Variants in RIMS1 observed in about 807,000 individuals in gnomAD.
RIMS1 encodes regulating synaptic membrane exocytosis protein 1.
Under a neutral mutation model 214.1 loss-of-function variants are expected in RIMS1, and 83 were observed. The ratio of observed to expected loss-of-function variants is 0.39; its 90% CI spans 0.32 to 0.47. The LOEUF (loss-of-function observed/expected upper bound fraction) is 0.47. Ranked by LOEUF, RIMS1 falls within the 20% of genes least tolerant of loss-of-function variation. RIMS1 has a pLI of 0.99. For synonymous variants in RIMS1, 793 were observed against 786.8 expected, an observed-to-expected ratio of 1.01 and a Z score of -0.13; for missense variants, 2,050 against 2,161.8, an observed-to-expected ratio of 0.95 and a Z score of 1.03.
At chr6:72,268,275 G>C (rs962576236) in intron 22 of RIMS1, among the ~76,000 whole-genome samples, 8 of 152,088 alleles carry the variant, frequency 5.3e-5, no homozygotes, top group Non-Finnish European at 1.2e-4. Flanking sequence ...CGGAGAGTAT[G>C]AGAAGGGAGG....
intron 31 of RIMS1, among the ~76,000 whole-genome samples, chr6:72,397,071 T>C (rs752055297): frequency 1.3e-5 from 2 of 152,118 alleles, no homozygotes; most frequent in East Asian, 1.9e-4. Context: ...GATGGACAGT[T>C]GTTAAAAAAT....
intron 4 of RIMS1, among the ~76,000 whole-genome samples, chr6:72,118,303 CTGT>C (rs999272355): frequency 2.0e-5 from 3 of 150,958 alleles, no homozygotes; most frequent in Non-Finnish European, 4.4e-5. Context: ...CTGATTCCCC[CTGT>C]TATTTTTTTT....
chr6:72,100,123 T>C, intron 4 of RIMS1, 137 bp downstream of exon 4: 1 of 691,978 alleles, frequency 1.4e-6, no homozygotes, highest in Non-Finnish European at 2.4e-6. Context: ...TTTCCAGCTC[T>C]CATGAAAAAA....
chr6:72,366,300 A>G (rs1261002748), intron 29 of RIMS1, among the ~76,000 whole-genome samples: 1 of 152,238 alleles, frequency 6.6e-6, no homozygotes, highest in Non-Finnish European at 1.5e-5. Flanking sequence ...TGAGTACAAC[A>G]CAAGAGATCG....
At chr6:72,227,703 A>G (rs1401720369) in intron 6 of RIMS1, among the ~76,000 whole-genome samples, 1 of 152,016 alleles carries the variant, frequency 6.6e-6, no homozygotes, top group Non-Finnish European at 1.5e-5. Flanking sequence ...GGCTTCAAAC[A>G]AATATTTAAT....
At chr6:71,966,288 T>C (rs1794413594) in intron 1 of RIMS1, among the ~76,000 whole-genome samples, 1 of 152,370 alleles carries the variant, frequency 6.6e-6, no homozygotes, top group South Asian at 2.1e-4. Flanking sequence ...GTTGTTTTCC[T>C]GTTATATTCA....
intron 2 of RIMS1, among the ~76,000 whole-genome samples, chr6:71,982,103 AG>A (rs1342789550): frequency 1.3e-5 from 2 of 152,154 alleles, no homozygotes; most frequent in African/African-American, 4.8e-5. Flanking sequence ...AGGAGAATAA[AG>A]GCATCTTTCA....
At chr6:72,391,534 G>GTTCATTA (rs2098702769) in intron 30 of RIMS1, among the ~76,000 whole-genome samples, 1 of 151,710 alleles carries the variant, frequency 6.6e-6, no homozygotes, top group Non-Finnish European at 1.5e-5. Context: ...ATAATTATTT[G>GTTCATTA]TTCATTACCA....
chr6:71,915,920 C>T (rs1441734570), intron 1 of RIMS1, among the ~76,000 whole-genome samples: 2 of 151,940 alleles, frequency 1.3e-5, no homozygotes, highest in Non-Finnish European at 2.9e-5. Flanking sequence ...TGCAGGGGAA[C>T]TCTCCTTTAT....
intron 3 of RIMS1, among the ~76,000 whole-genome samples, chr6:72,099,086 C>T (rs916158758): frequency 1.1e-4 from 17 of 152,160 alleles, no homozygotes; most frequent in African/African-American, 3.4e-4. Context: ...AACAATGAGG[C>T]GCAGATCAGC....
chr6:72,368,799 A>T (rs549154822), intron 29 of RIMS1, among the ~76,000 whole-genome samples: 2 of 152,244 alleles, frequency 1.3e-5, no homozygotes, highest in South Asian at 4.2e-4. Flanking sequence ...ATGGTCAATT[A>T]TTTATTTACA....
At chr6:71,911,785 A>G (rs1019796437) in intron 1 of RIMS1, among the ~76,000 whole-genome samples, 3 of 152,260 alleles carry the variant, frequency 2.0e-5, no homozygotes, top group South Asian at 4.1e-4. Flanking sequence ...ATTATAAGAC[A>G]TTGGTCCTGA....
intron 6 of RIMS1, among the ~76,000 whole-genome samples, chr6:72,207,936 A>G (rs1252704267): frequency 6.6e-6 from 1 of 152,200 alleles, no homozygotes; most frequent in Non-Finnish European, 1.5e-5. Context: ...TAAGTATGTG[A>G]GGTGATACTT....
intron 6 of RIMS1, among the ~76,000 whole-genome samples, chr6:72,220,912 A>G (rs184766635): frequency 2.6e-5 from 4 of 152,210 alleles, no homozygotes; most frequent in East Asian, 3.9e-4. Flanking sequence ...AAGGTTTGTT[A>G]TTATGAGATT....
intron 1 of RIMS1, among the ~76,000 whole-genome samples, chr6:71,910,430 G>T (rs188737456): frequency 6.6e-6 from 1 of 152,124 alleles, no homozygotes; most frequent in Admixed American, 6.5e-5. Context: ...AAGAGGATCT[G>T]GCCCAGGCAG....
At chr6:72,196,977 T>C (rs1401949660) in intron 6 of RIMS1, among the ~76,000 whole-genome samples, 1 of 151,934 alleles carries the variant, frequency 6.6e-6, no homozygotes, top group African/African-American at 2.4e-5. Context: ...TTCTTACCAT[T>C]CCCCCTTCCT....
At chr6:72,307,187 A>T in intron 26 of RIMS1, 71 bp from the exon 27 acceptor site, 1 of 931,934 alleles carries the variant, frequency 1.1e-6, no homozygotes, top group Non-Finnish European at 1.7e-6. Flanking sequence ...AAAGCATTGA[A>T]ATCTTAAACC....
At chr6:72,073,789 G>T (rs1207165447) in intron 2 of RIMS1, among the ~76,000 whole-genome samples, 1 of 152,078 alleles carries the variant, frequency 6.6e-6, no homozygotes, top group Non-Finnish European at 1.5e-5. Flanking sequence ...CTGGTCCATG[G>T]TTCCCTCATT....
At chr6:72,134,552 C>T (rs578070595) in intron 4 of RIMS1, among the ~76,000 whole-genome samples, 10 of 152,078 alleles carry the variant, frequency 6.6e-5, no homozygotes, top group South Asian at 2.1e-4. Context: ...TCATGAGTTT[C>T]GTAACTTAAG....
Sources: gnomAD v4.1 joint callset for allele counts (sites outside exome capture counted in the v4.1 genomes callset) on GRCh38, gnomAD v4.1.1 for gene constraint, MANE v1.5 for transcripts, NCBI Gene and HGNC (gene_info 2026-07-23, HGNC 2026-07-21) for gene names.